The following EIF2A variants were observed in gnomAD, a reference collection of about 807,000 sequenced individuals.
The protein encoded by EIF2A is 65 kDa eukaryotic translation initiation factor 2A.
Under a neutral mutation model 75.2 loss-of-function variants are expected in EIF2A, and 62 were observed. The observed-to-expected ratio is 0.82, with a 90% CI of 0.67 to 1.02. The LOEUF (loss-of-function observed/expected upper bound fraction) is 1.02, where lower values mean the gene tolerates loss of function less well. Ranked by LOEUF, EIF2A falls within the 50% of genes least tolerant of loss-of-function variation. The probability of loss-of-function intolerance (pLI) is 0.00; values close to 1 mark genes in which losing one functional copy is unlikely to be tolerated. For synonymous variants in EIF2A, 207 were observed against 239.0 expected, an observed-to-expected ratio of 0.87 and a Z score of 1.23; for missense variants, 611 against 677.7, an observed-to-expected ratio of 0.90 and a Z score of 1.09.
At chr3:150,580,050 A>G (rs1005478883) in intron 11 of EIF2A, among the ~76,000 whole-genome samples, 2 of 152,160 alleles carry the variant, frequency 1.3e-5, no homozygotes, top group African/African-American at 4.8e-5. Flanking sequence ...AGCCTGTGCA[A>G]CGAAGCAAGT....
At chr3:150,574,979 T>C (rs9863120) in intron 10 of EIF2A, among the ~76,000 whole-genome samples, 45,203 of 152,080 alleles carry the variant, frequency 0.3, 7,319 homozygotes, top group East Asian at 0.49. Flanking sequence ...TGGAGATACA[T>C]TGAATCTATA....
chr3:150,553,479 G>A (rs1404316506), intron 2 of EIF2A, among the ~76,000 whole-genome samples: 1 of 152,088 alleles, frequency 6.6e-6, no homozygotes, highest in African/African-American at 2.4e-5. Context: ...TGCAATCTCG[G>A]CTTAATGCAA....
intron 1 of EIF2A, chr3:150,547,098 A>G: frequency 1.9e-6 from 1 of 539,072 alleles, no homozygotes. Context: ...AAGGGGGAGA[A>G]AAACAATGTG....
intron 11 of EIF2A, among the ~76,000 whole-genome samples, chr3:150,578,333 TATTA>T (rs772975597): frequency 6.7e-5 from 10 of 148,550 alleles, no homozygotes; most frequent in East Asian, 1.9e-4. Context: ...ATTATAATTG[TATTA>T]ATTATATAAA....
intron 3 of EIF2A, among the ~76,000 whole-genome samples, chr3:150,560,817 T>A (rs1192195902): frequency 6.7e-6 from 1 of 148,956 alleles, no homozygotes; most frequent in Admixed American, 6.8e-5. Flanking sequence ...CATTTATCAA[T>A]AGTATGATCT....
chr3:150,581,598 T>TA lies in EIF2A; in HGVS notation c.1498-13dup. 1.3e-6 allele frequency: 2 copies of TA among 1,546,632 alleles called. No homozygotes were observed. Among genetic ancestry groups the TA allele is most frequent in the African/African-American group, 1.4e-5 (1 of 72,742 alleles). On this transcript the variant is annotated intron_variant, in intron 11 of 13. Transcript: ENST00000460851. ...TGTTTTTGGCTTTTAAAATTGAATT[T>TA]AAAAAAATATTTCCTGCAGGAAGCA...
At chr3:150,567,061 A>G (rs554008445) in intron 6 of EIF2A, 1 of 152,300 alleles carries the variant, frequency 6.6e-6, no homozygotes, top group East Asian at 1.9e-4. Context: ...AAGAGGGATC[A>G]CCACTTTGAC....
chr3:150,577,135 C>T (rs77395146), intron 11 of EIF2A, among the ~76,000 whole-genome samples: 2,134 of 152,276 alleles, frequency 0.014, 30 homozygotes, highest in Non-Finnish European at 0.021. Context: ...TGTGTGTCCT[C>T]CCATGGTGGA....
Position 150,567,690 on chromosome 3 carries a change from T to C in EIF2A, c.476-3T>C. ...ATCTGATTTAATTTACTCTTTTTTT[T>C]AGACACAATTGCAAATAAATTGCAT... On this transcript the variant is annotated splice_region_variant and splice_polypyrimidine_tract_variant and intron_variant, in intron 6 of 13. Coordinates refer to ENST00000460851, the MANE Select transcript of EIF2A (RefSeq NM_032025.5). 1.3e-6 allele frequency: 2 copies of C among 1,525,240 alleles called. No individual in the cohort carries two copies. Among genetic ancestry groups the C allele is most frequent in the Non-Finnish European group, 1.8e-6 (2 of 1,129,266 alleles). The allele number at this position is 1,525,240 out of a possible 1,614,324, so 94.5% of individuals were successfully genotyped here.
chr3:150,575,188 G>A (rs950531327), intron 10 of EIF2A, among the ~76,000 whole-genome samples: 1 of 151,656 alleles, frequency 6.6e-6, no homozygotes, highest in Non-Finnish European at 1.5e-5. Flanking sequence ...ATCTATTCTT[G>A]TTTTTTCATT....
rs1220257145 is a variant in EIF2A at position 150,585,593 on chromosome 3, GTA to G, written c.*1684_*1685del. The G allele has an allele frequency of 6.6e-6, 1 of 152,192 alleles. No homozygotes were observed. Among genetic ancestry groups the G allele is most frequent in the Admixed American group, 6.5e-5 (1 of 15,286 alleles). 9.4% of individuals were successfully genotyped at this position (152,192 alleles called of 1,614,324 possible). A position where few individuals can be genotyped will look rare whatever the true frequency, so the allele number is the denominator to read the frequency against. On this transcript the variant is annotated 3_prime_UTR_variant, in exon 14 of 14. Transcript: ENST00000460851. ...CTCTCTTATCTCTCTCAGGATGTGT[GTA>G]TGTGTTTGTTTCTCTGGAAAACCCT...
At chr3:150,581,533 T>C (rs1210976885) in intron 11 of EIF2A, 85 bp from the exon 12 acceptor site, 1 of 1,447,354 alleles carries the variant, frequency 6.9e-7, no homozygotes, top group East Asian at 2.5e-5. Flanking sequence ...TTAGTTTCTG[T>C]ATTTCATATG....
intron 1 of EIF2A, among the ~76,000 whole-genome samples, chr3:150,550,274 A>C (rs4681635): frequency 0.015 from 2,240 of 152,362 alleles, 19 homozygotes; most frequent in Middle Eastern, 0.044. Flanking sequence ...CTAACTACGC[A>C]TTGTATTTAG....
chr3:150,562,762 C>T, intron 4 of EIF2A, 102 bp downstream of exon 4: 2 of 782,382 alleles, frequency 2.6e-6, no homozygotes, highest in Non-Finnish European at 4.1e-6. Context: ...AGTAATTAGT[C>T]TTTATGATAG....
chr3:150,572,649 G>A, intron 10 of EIF2A, 120 bp downstream of exon 10: 2 of 942,664 alleles, frequency 2.1e-6, no homozygotes, highest in Admixed American at 2.6e-5. Flanking sequence ...GAGGTCAGGA[G>A]TTTGAGACCA....
intron 2 of EIF2A, 130 bp downstream of exon 2, chr3:150,552,555 C>A: frequency 2.0e-5 from 14 of 683,186 alleles, no homozygotes; most frequent in Admixed American, 3.4e-5. Flanking sequence ...TAATATTTAC[C>A]GAAGATGAAA....
chr3:150,557,646 G>GC, intron 2 of EIF2A: 1 of 349,572 alleles, frequency 2.9e-6, no homozygotes, highest in South Asian at 2.0e-5. Flanking sequence ...TGATCCGCCT[G>GC]CCTCGGCCTC....
At position 150,583,984 on chromosome 3, in the gene EIF2A, C is replaced by T. The variant is rs1004441086; in HGVS notation, c.*73C>T. 7.2e-7 allele frequency: 1 copy of T among 1,390,898 alleles called. No homozygotes were observed. Among genetic ancestry groups the T allele is most frequent in the Non-Finnish European group, 1.0e-6 (1 of 993,044 alleles). The allele number at this position is 1,390,898 out of a possible 1,614,324, so 86.2% of individuals were successfully genotyped here. ...CTTCTGTTAAACCCATTGGTATACA[C>T]AGAATATTCCTGTGCCCACACTTAA... On this transcript the variant is annotated 3_prime_UTR_variant, in exon 14 of 14. Transcript: ENST00000460851.
At position 150,581,766 on chromosome 3, in the gene EIF2A, A is replaced by C; in HGVS notation, c.1626+20A>C. ...AAGAAGGTGAGAGACTTAAAAACAG[A>C]TGTGCATATTGAAAGGTATACATGA... On this transcript the variant is annotated intron_variant, in intron 12 of 13. Transcript: ENST00000460851. The C allele has an allele frequency of 1.9e-6, 3 of 1,555,064 alleles. No individual in the cohort carries two copies. Among genetic ancestry groups the C allele is most frequent in the Non-Finnish European group, 2.6e-6 (3 of 1,148,842 alleles).
Sources: gnomAD v4.1 joint callset for allele counts (sites outside exome capture counted in the v4.1 genomes callset) on GRCh38, gnomAD v4.1.1 for gene constraint, MANE v1.5 for transcripts, NCBI Gene and HGNC (gene_info 2026-07-23, HGNC 2026-07-21) for gene names.